AUTS2: variants seen among roughly 807,000 people sequenced by gnomAD.
AUTS2 encodes autism susceptibility gene 2 protein.
In AUTS2, 17 loss-of-function variants were observed where a neutral mutation model predicts 112.4. The ratio of observed to expected loss-of-function variants is 0.15; its 90% CI spans 0.10 to 0.23. The LOEUF (loss-of-function observed/expected upper bound fraction) is 0.23. Among genes scored for constraint, AUTS2 ranks in the 10% least tolerant of loss-of-function variants. AUTS2 has a pLI of 1.00. For missense variants in AUTS2, 1,510 were observed against 1,701.6 expected, an observed-to-expected ratio of 0.89 and a Z score of 1.98; for synonymous variants, 751 against 702.7, an observed-to-expected ratio of 1.07 and a Z score of -1.09.
chr7:70,550,031 A>G (rs372531704), intron 5 of AUTS2, among the ~76,000 whole-genome samples: 2 of 152,242 alleles, frequency 1.3e-5, no homozygotes, highest in African/African-American at 4.8e-5. Context: ...GGACTTGAAC[A>G]TAAAGGATGC....
intron 1 of AUTS2, among the ~76,000 whole-genome samples, chr7:69,667,369 T>G (rs2129149835): frequency 6.6e-6 from 1 of 150,892 alleles, no homozygotes. Flanking sequence ...TTTTTTTTTT[T>G]TTGAGATGGA....
intron 1 of AUTS2, among the ~76,000 whole-genome samples, chr7:69,603,967 A>G (rs1049599302): frequency 3.3e-5 from 5 of 152,154 alleles, no homozygotes; most frequent in Non-Finnish European, 7.4e-5. Flanking sequence ...TTGCAAATCC[A>G]TTATTTTTCC....
intron 1 of AUTS2, among the ~76,000 whole-genome samples, chr7:69,628,053 A>C (rs1794040958): frequency 6.6e-6 from 1 of 152,220 alleles, no homozygotes; most frequent in South Asian, 2.1e-4. Flanking sequence ...CACATACCTA[A>C]TTTATAATGC....
At chr7:70,644,497 T>C (rs1806042265) in intron 5 of AUTS2, among the ~76,000 whole-genome samples, 1 of 152,052 alleles carries the variant, frequency 6.6e-6, no homozygotes. Flanking sequence ...CCACGAACTG[T>C]CTCCCACACC....
At chr7:69,905,777 T>C (rs1795127566) in intron 2 of AUTS2, among the ~76,000 whole-genome samples, 1 of 152,068 alleles carries the variant, frequency 6.6e-6, no homozygotes, top group African/African-American at 2.4e-5. Flanking sequence ...GTCAAGTTGA[T>C]ACCCTAAATT....
chr7:70,081,961 T>TGC (rs1177794173), intron 2 of AUTS2, among the ~76,000 whole-genome samples: 2 of 146,770 alleles, frequency 1.4e-5, no homozygotes, highest in African/African-American at 5.0e-5. Context: ...TGTGTGTGTG[T>TGC]GTGTGCGCGC....
intron 6 of AUTS2, among the ~76,000 whole-genome samples, chr7:70,707,515 G>C (rs1183275742): frequency 1.3e-5 from 2 of 152,124 alleles, no homozygotes; most frequent in Non-Finnish European, 2.9e-5. Flanking sequence ...ACACAAAGCG[G>C]GATGGTAAAA....
chr7:70,524,733 C>G (rs2129495744), intron 5 of AUTS2, among the ~76,000 whole-genome samples: 1 of 152,294 alleles, frequency 6.6e-6, no homozygotes, highest in African/African-American at 2.4e-5. Flanking sequence ...GAGTAATCCC[C>G]TGAAGTCCCT....
intron 5 of AUTS2, among the ~76,000 whole-genome samples, chr7:70,622,322 C>T (rs1051111083): frequency 6.6e-6 from 1 of 152,134 alleles, no homozygotes; most frequent in African/African-American, 2.4e-5. Context: ...TCCTCTGTTC[C>T]TGGACTTTCA....
At chr7:70,245,172 A>G (rs1354511911) in intron 4 of AUTS2, among the ~76,000 whole-genome samples, 1 of 139,976 alleles carries the variant, frequency 7.1e-6, no homozygotes, top group African/African-American at 2.7e-5. Flanking sequence ...ATATATATAA[A>G]AAATAAAAAA....
At chr7:70,780,167 C>T (rs187257812) in intron 14 of AUTS2, among the ~76,000 whole-genome samples, 18 of 152,212 alleles carry the variant, frequency 1.2e-4, no homozygotes, top group African/African-American at 4.1e-4. Context: ...GGGAGCAGTG[C>T]TTATCCAAGG....
chr7:70,648,129 T>C (rs1037280895), intron 5 of AUTS2, among the ~76,000 whole-genome samples: 3 of 152,194 alleles, frequency 2.0e-5, no homozygotes, highest in Admixed American at 6.5e-5. Flanking sequence ...AGGGTTCTGG[T>C]GAGGGTTCCA....
intron 6 of AUTS2, among the ~76,000 whole-genome samples, chr7:70,760,766 A>G (rs1013592084): frequency 1.3e-5 from 2 of 152,242 alleles, no homozygotes; most frequent in Admixed American, 1.3e-4. Flanking sequence ...AAGCCTTTCA[A>G]TTTCAGCTTT....
chr7:70,598,308 G>C (rs1233344755), intron 5 of AUTS2, among the ~76,000 whole-genome samples: 1 of 152,148 alleles, frequency 6.6e-6, no homozygotes, highest in Admixed American at 6.5e-5. Flanking sequence ...CTCAGTGCAG[G>C]TTTACTGTAT....
intron 5 of AUTS2, among the ~76,000 whole-genome samples, chr7:70,508,592 A>G (rs944077397): frequency 1.3e-5 from 2 of 152,190 alleles, no homozygotes; most frequent in Non-Finnish European, 2.9e-5. Flanking sequence ...CAATGAAGAC[A>G]GAAAGGGACT....
chr7:69,948,160 A>C (rs1796889688), intron 2 of AUTS2, among the ~76,000 whole-genome samples: 1 of 152,210 alleles, frequency 6.6e-6, no homozygotes, highest in South Asian at 2.1e-4. Flanking sequence ...CCAGTTGCTA[A>C]TCTTTATCCC....
chr7:70,353,208 C>T (rs1019000448), intron 4 of AUTS2, among the ~76,000 whole-genome samples: 2 of 152,192 alleles, frequency 1.3e-5, no homozygotes, highest in East Asian at 3.9e-4. Context: ...TTTATATCCC[C>T]ATTTGTATCT....
chr7:70,748,074 C>T (rs112766122), intron 6 of AUTS2, among the ~76,000 whole-genome samples: 2,504 of 150,850 alleles, frequency 0.017, 63 homozygotes, highest in African/African-American at 0.058. Context: ...GTGATCCGCC[C>T]GTCTCAGCCT....
intron 6 of AUTS2, among the ~76,000 whole-genome samples, chr7:70,736,039 C>T (rs990627383): frequency 1.3e-5 from 2 of 151,156 alleles, no homozygotes; most frequent in South Asian, 2.1e-4. Context: ...TTTTATTATA[C>T]GTGTGTGTGT....
Sources: gnomAD v4.1 joint callset for allele counts (sites outside exome capture counted in the v4.1 genomes callset) on GRCh38, gnomAD v4.1.1 for gene constraint, MANE v1.5 for transcripts, NCBI Gene and HGNC (gene_info 2026-07-23, HGNC 2026-07-21) for gene names.